Variants in CUBN observed in about 807,000 individuals in gnomAD.
CUBN encodes cubilin, also known as 460 kDa receptor.
Under a neutral mutation model 405.3 loss-of-function variants are expected in CUBN, and 282 were observed. That is an observed-to-expected ratio of 0.70 (90% CI 0.63 to 0.77). The LOEUF (loss-of-function observed/expected upper bound fraction) is 0.77. CUBN is among the 30% of genes least tolerant of loss of function. The pLI is 0.00. For synonymous variants in CUBN, 1,684 were observed against 1,617.0 expected (o/e 1.04, Z -0.99); for missense variants, 4,514 against 4,475.2 (o/e 1.01, Z -0.25).
chr10:17,098,990 T>C (rs1836436121), intron 14 of CUBN, among the ~76,000 whole-genome samples: 1 of 152,182 alleles, frequency 6.6e-6, no homozygotes. Flanking sequence ...CCAAAGTTAA[T>C]TATAGTTTCA....
intron 31 of CUBN, among the ~76,000 whole-genome samples, chr10:16,959,220 A>T (rs1439948247): frequency 1.3e-5 from 2 of 152,198 alleles, no homozygotes; most frequent in East Asian, 3.8e-4. Context: ...TTATGTACCT[A>T]ATTGTCATTT....
intron 26 of CUBN, 104 bp from the exon 27 acceptor site, chr10:17,041,324 T>TAC (rs1007367560): frequency 1.2e-5 from 10 of 860,910 alleles, no homozygotes; most frequent in Admixed American, 9.1e-5. Context: ...TCTGTGTATG[T>TAC]ACACACACAC....
chr10:17,031,560 C>T (rs7089485), intron 27 of CUBN, among the ~76,000 whole-genome samples: 145,538 of 152,274 alleles, frequency 0.96, 69,563 homozygotes, highest in South Asian at 0.97. Context: ...ACTACCAATT[C>T]AGCACATTCT....
Position 16,904,102 on chromosome 10 carries a change from C to G in CUBN, c.7926G>C (p.Gly2642=). 4 of 1,613,798 alleles carry G rather than the reference C, an allele frequency of 2.5e-6. No individual in the cohort carries two copies. Among genetic ancestry groups the G allele is most frequent in the Non-Finnish European group, 2.5e-6 (3 of 1,179,756 alleles). ...GACCACAAAGTCTCCACATCAGGGG[C>G]CCATCAGCATCACCTGAACAAAATA... ...VLEFRVGDAD[G]PLMWRLCGPS... is the part of the protein sequence containing the mutation. The change falls in exon 51 of 67, where the codon GGG becomes GGC. Residue 2642 remains glycine (G), a synonymous_variant. Transcript: ENST00000377833.
At chr10:16,928,341 T>C (rs967137023) in intron 40 of CUBN, 38 bp from the exon 41 acceptor site, 1 of 1,608,872 alleles carries the variant, frequency 6.2e-7, no homozygotes, top group African/African-American at 1.3e-5. Flanking sequence ...AAAATACATC[T>C]TGAGAATCTA....
chr10:17,023,083 T>G lies in CUBN; in HGVS notation c.4018-3100A>C, dbSNP rs1277089225. Reference sequence around the variant, plus strand: ...GATTAAGAAATGTGGCATTTTCACGTGACTTAAAGAGATTTCTTTTTTTTC... The same window carrying G: ...GATTAAGAAATGTGGCATTTTCACGGGACTTAAAGAGATTTCTTTTTTTTC... On this transcript the variant is annotated intron_variant, in intron 27 of 66. Coordinates refer to ENST00000377833, the MANE Select transcript of CUBN (RefSeq NM_001081.4). 5.9e-5 allele frequency among the ~76,000 whole-genome samples: 9 copies of G among 151,606 alleles called. 1 individual carries two copies. The highest frequency in any genetic ancestry group is 2.0e-4 in the Admixed American group (3 of 15,224).
intron 54 of CUBN, among the ~76,000 whole-genome samples, chr10:16,894,234 T>C (rs1214291062): frequency 6.6e-6 from 1 of 152,178 alleles, no homozygotes; most frequent in Non-Finnish European, 1.5e-5. Context: ...TATCATTTTA[T>C]TTTTTCTCTT....
At chr10:16,926,162 T>A (rs1316905284) in intron 41 of CUBN, among the ~76,000 whole-genome samples, 1 of 152,072 alleles carries the variant, frequency 6.6e-6, no homozygotes, top group Non-Finnish European at 1.5e-5. Context: ...AAAAGCCACG[T>A]CATTGGAGTA....
At chr10:16,879,679 T>C (rs1029373367) in intron 56 of CUBN, among the ~76,000 whole-genome samples, 1 of 152,198 alleles carries the variant, frequency 6.6e-6, no homozygotes, top group Non-Finnish European at 1.5e-5. Flanking sequence ...TAAAGGTGAA[T>C]TTCAACACCC....
At chr10:16,931,908 AT>A (rs1430163916) in intron 40 of CUBN, among the ~76,000 whole-genome samples, 1 of 152,218 alleles carries the variant, frequency 6.6e-6, no homozygotes, top group African/African-American at 2.4e-5. Context: ...TTTCAAAGAT[AT>A]TTTTTAAAAC....
At chr10:16,996,866 C>T (rs1053451376) in intron 28 of CUBN, among the ~76,000 whole-genome samples, 38 of 152,282 alleles carry the variant, frequency 2.5e-4, no homozygotes, top group African/African-American at 8.4e-4. Flanking sequence ...AGAAGTGATT[C>T]ATCACCGACA....
intron 31 of CUBN, 130 bp from the exon 32 acceptor site, chr10:16,954,678 T>G: frequency 1.0e-6 from 1 of 1,003,610 alleles, no homozygotes; most frequent in Admixed American, 2.0e-5. Flanking sequence ...AAACTGGCTT[T>G]ATTGTCCTTT....
rs192012657 is a variant in CUBN, at chr10:17,095,340, T to C, written c.1765+4665A>G. Among the ~76,000 whole-genome samples, 54 of 152,004 alleles carry C rather than the reference T, an allele frequency of 3.6e-4. No individual in the cohort carries two copies. The Middle Eastern group carries it at 0.01, about 29-fold the overall frequency. ...AAAAGCCCTATGACATTAGTCTGAGTAGTGATTTTTTTGGATATGACCACA... is the reference window on the plus strand; with the variant it reads ...AAAAGCCCTATGACATTAGTCTGAGCAGTGATTTTTTTGGATATGACCACA... On this transcript the variant is annotated intron_variant, in intron 14 of 66. Transcript: ENST00000377833.
chr10:16,836,083 G>C lies in CUBN; in HGVS notation c.10180+152C>G, dbSNP rs1458618682. ...ACCAACTGTAGTAATTTGCTAAATT[G>C]GGCTGGGTTCTAGTTAAGAGAGGGA... is the stretch of plus-strand genomic sequence containing the variant. On this transcript the variant is annotated intron_variant, in intron 63 of 66. Coordinates refer to ENST00000377833, the MANE Select transcript of CUBN (RefSeq NM_001081.4). 5 of 733,824 alleles carry C rather than the reference G, an allele frequency of 6.8e-6. No individual in the cohort carries two copies. The African/African-American group carries it at 8.8e-5, about 13-fold the overall frequency. 45.5% of individuals were successfully genotyped at this position (733,824 alleles called of 1,614,324 possible). A position where few individuals can be genotyped will look rare whatever the true frequency, so the allele number is the denominator to read the frequency against.
intron 54 of CUBN, among the ~76,000 whole-genome samples, chr10:16,891,702 C>T (rs1045762435): frequency 7.8e-6 from 1 of 127,552 alleles, no homozygotes; most frequent in African/African-American, 2.5e-5. Context: ...AATGAATATA[C>T]AAAACTTGGG....
intron 13 of CUBN, among the ~76,000 whole-genome samples, chr10:17,102,289 T>C (rs1272305977): frequency 2.0e-5 from 3 of 150,018 alleles, no homozygotes; most frequent in Non-Finnish European, 3.0e-5. Context: ...ATTTATTTAT[T>C]TATTTATTTA....
chr10:17,075,104 G>A (rs12251453), intron 17 of CUBN, among the ~76,000 whole-genome samples: 33,309 of 99,322 alleles, frequency 0.34, 5,714 homozygotes, highest in African/African-American at 0.53. Context: ...TTTTTTTTGA[G>A]ATGAAGTCTC....
chr10:17,084,968 T>G (rs1489116436), intron 16 of CUBN, among the ~76,000 whole-genome samples: 1 of 152,226 alleles, frequency 6.6e-6, no homozygotes, highest in Non-Finnish European at 1.5e-5. Flanking sequence ...AAAGATGTTC[T>G]TTGTTACTCT....
At chr10:16,960,233 T>A (rs1843177545) in intron 31 of CUBN, among the ~76,000 whole-genome samples, 2 of 152,258 alleles carry the variant, frequency 1.3e-5, no homozygotes. Flanking sequence ...GGCTCACGCC[T>A]GTAATCCCAG....
Sources: allele counts gnomAD v4.1 joint callset (sites outside exome capture counted in the v4.1 genomes callset), GRCh38; gene constraint gnomAD v4.1.1; transcripts MANE v1.5; gene names NCBI Gene and HGNC (gene_info 2026-07-23, HGNC 2026-07-21).